ZNF613: variants seen among roughly 807,000 people sequenced by gnomAD.
ZNF613 encodes zinc finger protein 613.
ZNF613 carries 8 observed loss-of-function variants against 14.3 expected under a neutral mutation model. The observed-to-expected ratio is 0.56, with a 90% CI of 0.33 to 1.01. The LOEUF (loss-of-function observed/expected upper bound fraction) is 1.01, where lower values mean the gene tolerates loss of function less well. Among genes scored for constraint, ZNF613 ranks in the 50% least tolerant of loss-of-function variants. The pLI, the probability that ZNF613 is intolerant of heterozygous loss-of-function variation, is 0.03. For missense variants in ZNF613, 656 were observed against 741.9 expected (o/e 0.88, Z 1.35); for synonymous variants, 228 against 254.5 (o/e 0.90, Z 0.99).
chr19:51,931,356 A>G (rs1010286517), intron 2 of ZNF613, among the ~76,000 whole-genome samples: 1 of 152,246 alleles, frequency 6.6e-6, no homozygotes, highest in African/African-American at 2.4e-5. Context: ...ACTTTTAGAT[A>G]TAAAATCATC....
chr19:51,933,356 C>T (rs1424628981), intron 2 of ZNF613, among the ~76,000 whole-genome samples: 1 of 152,188 alleles, frequency 6.6e-6, no homozygotes, highest in Non-Finnish European at 1.5e-5. Flanking sequence ...GAGAAATGCC[C>T]ATTACTTTTC....
At position 51,945,064 on chromosome 19, in the gene ZNF613, A is replaced by G; in HGVS notation, c.1181A>G (p.His394Arg). ...KGNLIVHQRI[H>R]TGEKPYICNE... ...AATCTCATTGTACATCAGCGAATTC[A>G]TACTGGAGAAAAACCCTATATATGC... is the stretch of plus-strand genomic sequence containing the variant. Residue 394 changes from histidine (H) to arginine (R), a missense_variant, in exon 6 of 6, where the codon CAT becomes CGT. By Grantham distance (29) the His-to-Arg change is conservative. Coordinates refer to ENST00000293471, the MANE Select transcript of ZNF613 (RefSeq NM_001031721.4). 1 of 1,614,246 alleles carries G rather than the reference A, an allele frequency of 6.2e-7. No homozygotes were observed. Among genetic ancestry groups the G allele is most frequent in the Non-Finnish European group, 8.5e-7 (1 of 1,180,034 alleles).
At chr19:51,933,080 G>T (rs543003481) in intron 2 of ZNF613, among the ~76,000 whole-genome samples, 107 of 152,290 alleles carry the variant, frequency 7.0e-4, no homozygotes, top group Non-Finnish European at 1.4e-3. Context: ...CTGCCTTACC[G>T]TTCACTTCCT....
chr19:51,941,461 AT>A (rs58377201), intron 5 of ZNF613, among the ~76,000 whole-genome samples: 5 of 149,596 alleles, frequency 3.3e-5, no homozygotes, highest in South Asian at 2.1e-4. Flanking sequence ...GATAATGTTG[AT>A]TTTTTTTTTC....
chr19:51,940,502 C>A, intron 4 of ZNF613, 115 bp from the exon 5 acceptor site: 1 of 1,490,340 alleles, frequency 6.7e-7, no homozygotes, highest in Non-Finnish European at 9.1e-7. Flanking sequence ...AGGGAAAATC[C>A]CTTTGCTTTG....
chr19:51,932,591 C>G (rs2085275252), intron 2 of ZNF613, among the ~76,000 whole-genome samples: 1 of 152,154 alleles, frequency 6.6e-6, no homozygotes, highest in Non-Finnish European at 1.5e-5. Context: ...GCCACCGCAC[C>G]AGGCCAGTGT....
At chr19:51,934,567 A>G (rs1056606740) in intron 2 of ZNF613, among the ~76,000 whole-genome samples, 2 of 152,048 alleles carry the variant, frequency 1.3e-5, no homozygotes, top group Non-Finnish European at 2.9e-5. Flanking sequence ...TATGATGATG[A>G]TTTGTGAACA....
intron 4 of ZNF613, 116 bp from the exon 5 acceptor site, chr19:51,940,501 C>T (rs2085339683): frequency 1.3e-6 from 2 of 1,489,436 alleles, no homozygotes; most frequent in Admixed American, 1.9e-5. Context: ...GAGGGAAAAT[C>T]CCTTTGCTTT....
In ZNF613 at chr19:51,945,195, A is replaced by T. The variant is rs779137841; in HGVS notation, c.1312A>T (p.Ser438Cys). 6.2e-7 allele frequency: 1 copy of T among 1,614,244 alleles called. No homozygotes were observed. The highest frequency in any genetic ancestry group is 1.7e-5 in the Admixed American group (1 of 60,030). The change falls in exon 6 of 6, where the codon AGC (serine) becomes TGC (cysteine). Residue 438 changes from serine to cysteine, a missense_variant. By Grantham distance (112) the Ser-to-Cys change is moderately radical. Transcript: ENST00000293471. ...ATGCAATGAATGTGGGAAAGGCTTC[A>T]GCCAGAAGACATGTTTAATATCCCA... is the stretch of plus-strand genomic sequence containing the variant. ...YVCNECGKGF[S>C]QKTCLISHQR...
chr19:51,936,315 C>A lies in ZNF613; in HGVS notation c.15+80C>A, dbSNP rs1186651498. On this transcript the variant is annotated intron_variant, in intron 3 of 5. Coordinates refer to ENST00000293471, the MANE Select transcript of ZNF613 (RefSeq NM_001031721.4). Reference sequence around the variant, plus strand: ...ACTTTAAAAGTCAGTTGAATTAAGTCAAAAAGTATAATTTGGTAAACTAGG... The same window carrying A: ...ACTTTAAAAGTCAGTTGAATTAAGTAAAAAAGTATAATTTGGTAAACTAGG... The A allele has an allele frequency of 5.6e-6, 8 of 1,440,138 alleles. No homozygotes were observed. In the Admixed American group the frequency reaches 6.3e-5, roughly 11 times the overall value. The allele number at this position is 1,440,138 out of a possible 1,614,324, so 89.2% of individuals were successfully genotyped here.
chr19:51,927,593 G>C (rs2085224982), intron 1 of ZNF613, 53 bp downstream of exon 1: 1 of 152,886 alleles, frequency 6.5e-6, no homozygotes, highest in Admixed American at 6.6e-5. Flanking sequence ...GTCTGTGGGC[G>C]TCCGTTTAGT....
At chr19:51,939,910 CAA>C (rs567897205) in intron 3 of ZNF613, among the ~76,000 whole-genome samples, 1 of 134,398 alleles carries the variant, frequency 7.4e-6, no homozygotes. Context: ...AATAGGTGCT[CAA>C]AAAAAAAAAG....
intron 5 of ZNF613, among the ~76,000 whole-genome samples, chr19:51,941,787 C>G (rs2085352276): frequency 6.6e-6 from 1 of 152,202 alleles, no homozygotes; most frequent in Non-Finnish European, 1.5e-5. Flanking sequence ...CACAGGGTTA[C>G]CTTGAAACTT....
At chr19:51,943,424 C>T (rs1383618173) in intron 5 of ZNF613, among the ~76,000 whole-genome samples, 1 of 152,210 alleles carries the variant, frequency 6.6e-6, no homozygotes, top group East Asian at 1.9e-4. Context: ...TTTTGTCCAG[C>T]ATATGCATGC....
chr19:51,940,418 C>T, intron 4 of ZNF613, 83 bp downstream of exon 4: 1 of 1,605,208 alleles, frequency 6.2e-7, no homozygotes, highest in South Asian at 1.1e-5. Flanking sequence ...TCTGGAGGGC[C>T]TGTGGTGCTC....
At chr19:51,936,300 TC>T in intron 3 of ZNF613, 65 bp downstream of exon 3, 1 of 1,515,934 alleles carries the variant, frequency 6.6e-7, no homozygotes, top group East Asian at 2.3e-5. Flanking sequence ...ACTTTAAAAG[TC>T]AGTTGAATTA....
At chr19:51,929,462 C>T (rs12462816) in intron 1 of ZNF613, among the ~76,000 whole-genome samples, 8,619 of 152,140 alleles carry the variant, frequency 0.057, 366 homozygotes, top group East Asian at 0.19. Context: ...TTTGACCTTT[C>T]TGTTCTCTTC....
rs1568467532 is a variant in ZNF613 at position 51,944,588 on chromosome 19, TA to T, written c.706del (p.Ile236TyrfsTer208). ...HTGEKPHGCS[I>X]CGKAFSRKSG... Reference sequence around the variant, plus strand: ...CTGGGGAGAAACCTCATGGATGCAGTATATGTGGGAAAGCCTTCTCCAGAAA... The same window carrying T: ...CTGGGGAGAAACCTCATGGATGCAGTTATGTGGGAAAGCCTTCTCCAGAAA... On this transcript the variant is annotated frameshift_variant, in exon 6 of 6. Coordinates refer to ENST00000293471, the MANE Select transcript of ZNF613 (RefSeq NM_001031721.4). LOFTEE classifies it low-confidence loss of function (END_TRUNC). 1.2e-6 allele frequency: 2 copies of T among 1,614,008 alleles called. No individual in the cohort carries two copies. Among genetic ancestry groups the T allele is most frequent in the Non-Finnish European group, 8.5e-7 (1 of 1,180,004 alleles).
At chr19:51,942,855 C>T (rs1322677678) in intron 5 of ZNF613, 1 of 152,234 alleles carries the variant, frequency 6.6e-6, no homozygotes, top group Non-Finnish European at 1.5e-5. Context: ...TAAGCCACCG[C>T]TCCTGGCTAC....
Sources: allele counts gnomAD v4.1 joint callset (sites outside exome capture counted in the v4.1 genomes callset), GRCh38; gene constraint gnomAD v4.1.1; transcripts MANE v1.5; gene names NCBI Gene and HGNC (gene_info 2026-07-23, HGNC 2026-07-21).